The following PTP4A2 variants were observed in gnomAD, a reference collection of about 807,000 sequenced individuals.
PTP4A2 encodes the protein protein tyrosine phosphatase 4A2.
A neutral mutation model predicts 22.9 loss-of-function variants in PTP4A2; 2 were observed. That is an observed-to-expected ratio of 0.09 (90% CI 0.04 to 0.27). The LOEUF is 0.27. Among genes scored for constraint, PTP4A2 ranks in the 10% least tolerant of loss-of-function variants. The pLI is 1.00. For missense variants in PTP4A2, 103 were observed against 205.1 expected (o/e 0.50, Z 3.04); for synonymous variants, 68 against 69.1 (o/e 0.98, Z 0.08).
At chr1:31,923,492 G>A (rs529305363) in intron 1 of PTP4A2, among the ~76,000 whole-genome samples, 35 of 151,146 alleles carry the variant, frequency 2.3e-4, no homozygotes, top group African/African-American at 7.3e-4. Context: ...CCGCTACCAC[G>A]CCCGGCTAAT....
At chr1:31,935,957 ACTTT>A (rs1019096954) in intron 1 of PTP4A2, among the ~76,000 whole-genome samples, 13 of 151,780 alleles carry the variant, frequency 8.6e-5, no homozygotes, top group African/African-American at 3.1e-4. Flanking sequence ...ACCACGCCTA[ACTTT>A]TGTATTTTCT....
intron 1 of PTP4A2, among the ~76,000 whole-genome samples, chr1:31,922,608 TTCTTTC>T (rs1652222821): frequency 6.7e-6 from 1 of 148,402 alleles, no homozygotes; most frequent in Admixed American, 6.7e-5. Context: ...CTTTCTTTCT[TTCTTTC>T]TTTCTTTCTT....
intron 1 of PTP4A2, chr1:31,932,628 A>G (rs1470122669): frequency 3.9e-5 from 6 of 152,220 alleles, no homozygotes; most frequent in African/African-American, 1.2e-4. Context: ...CTGTAAATCT[A>G]CACTGACTGA....
chr1:31,908,996 A>G, intron 5 of PTP4A2, 36 bp from the exon 6 acceptor site: 2 of 1,456,284 alleles, frequency 1.4e-6, no homozygotes, highest in Non-Finnish European at 1.9e-6. Flanking sequence ...TATCATGTAA[A>G]AAAAGAGCTG....
intron 1 of PTP4A2, among the ~76,000 whole-genome samples, chr1:31,922,590 C>CTTTG (rs1169920493): frequency 8.6e-5 from 1 of 11,680 alleles, no homozygotes; most frequent in Admixed American, 6.1e-4. Flanking sequence ...AGGTTTGTTT[C>CTTTG]TTTCTTTCTT....
chr1:31,935,562 T>C (rs1023289228), intron 1 of PTP4A2: 2 of 152,244 alleles, frequency 1.3e-5, no homozygotes, highest in African/African-American at 2.4e-5. Context: ...AATTATTATC[T>C]GTATGACCTG....
rs1652035988 is a variant in PTP4A2 at position 31,919,645 on chromosome 1, T to C, written c.-580A>G. 2 of 152,612 alleles carry C rather than the reference T, an allele frequency of 1.3e-5. No individual in the cohort carries two copies. The highest frequency in any genetic ancestry group is 4.1e-4 in the South Asian group (2 of 4,832). 9.5% of individuals were successfully genotyped at this position (152,612 alleles called of 1,614,324 possible). A position where few individuals can be genotyped will look rare whatever the true frequency, so the allele number is the denominator to read the frequency against. ...AATCGCCATAAATGTGCAACGTATATTCCAACGAAAAACCTGGAGAAGAAA... is the reference window on the plus strand; with the variant it reads ...AATCGCCATAAATGTGCAACGTATACTCCAACGAAAAACCTGGAGAAGAAA... On this transcript the variant is annotated 5_prime_UTR_variant, in exon 2 of 6. Transcript: ENST00000647444.
At position 31,915,892 on chromosome 1, in the gene PTP4A2, C is replaced by T; in HGVS notation, c.189+3G>A. On this transcript the variant is annotated splice_donor_region_variant and intron_variant, in intron 3 of 5. Transcript: ENST00000647444. The stretch of plus-strand genomic sequence containing the variant: ...TTGAAAAATTTAAATACTACACACT[C>T]ACTAGAACGTGGATTCCTTCTTTTT... 1.3e-6 allele frequency: 2 copies of T among 1,570,814 alleles called. No homozygotes were observed. The highest frequency in any genetic ancestry group is 1.7e-6 in the Non-Finnish European group (2 of 1,156,482).
chr1:31,920,072 G>A (rs1409517427), intron 1 of PTP4A2, among the ~76,000 whole-genome samples: 1 of 140,296 alleles, frequency 7.1e-6, no homozygotes, highest in Non-Finnish European at 1.5e-5. Context: ...GTTGTGATGA[G>A]CCAAGATGGC....
intron 1 of PTP4A2, among the ~76,000 whole-genome samples, chr1:31,922,137 C>G (rs1217631038): frequency 1.3e-5 from 2 of 152,160 alleles, no homozygotes; most frequent in African/African-American, 4.8e-5. Flanking sequence ...ACTCCTTGTA[C>G]AGTCAAGAAA....
Position 31,908,648 on chromosome 1 carries a change from T to C in PTP4A2, c.*204A>G, listed in dbSNP as rs1268868679. ...CTTCACTGAATTAATTCCTTTTCTC[T>C]TTCTCTTTTCTTAAACATTTTATTC... On this transcript the variant is annotated 3_prime_UTR_variant, in exon 6 of 6. Transcript: ENST00000647444. The C allele has an allele frequency of 7.7e-6, 3 of 390,208 alleles. No homozygotes were observed. The highest frequency in any genetic ancestry group is 4.4e-5 in the Admixed American group (1 of 22,506). 24.2% of individuals were successfully genotyped at this position (390,208 alleles called of 1,614,324 possible).
At chr1:31,912,264 T>C (rs1051107502) in intron 3 of PTP4A2, among the ~76,000 whole-genome samples, 11 of 152,362 alleles carry the variant, frequency 7.2e-5, no homozygotes, top group African/African-American at 2.6e-4. Flanking sequence ...CTACAGATAA[T>C]TGAAGATTAT....
At chr1:31,929,196 T>A (rs908441053) in intron 1 of PTP4A2, among the ~76,000 whole-genome samples, 4 of 152,240 alleles carry the variant, frequency 2.6e-5, no homozygotes, top group Non-Finnish European at 5.9e-5. Flanking sequence ...GAATCTCTTA[T>A]CTAAAATTGG....
intron 1 of PTP4A2, among the ~76,000 whole-genome samples, chr1:31,923,613 C>T (rs1407977577): frequency 6.6e-6 from 1 of 152,078 alleles, no homozygotes; most frequent in Admixed American, 6.5e-5. Flanking sequence ...GGATTACAGG[C>T]GTGAGCCACC....
chr1:31,915,592 T>C (rs371937189), intron 3 of PTP4A2: 27 of 199,250 alleles, frequency 1.4e-4, no homozygotes, highest in African/African-American at 6.4e-4. Flanking sequence ...CAGGCTGGAA[T>C]GTGGTGGTGT....
intron 1 of PTP4A2, among the ~76,000 whole-genome samples, chr1:31,934,981 A>G (rs1039044652): frequency 2.0e-5 from 3 of 152,230 alleles, no homozygotes; most frequent in African/African-American, 7.2e-5. Flanking sequence ...CAGCTACAAA[A>G]TCTGTTGCCT....
rs1651307303 is a variant in PTP4A2 at position 31,908,150 on chromosome 1, A to T, written c.*702T>A. 2 of 1,420 alleles carry T rather than the reference A, an allele frequency of 1.4e-3. No homozygotes were observed. The highest frequency in any genetic ancestry group is 0.25 in the Middle Eastern group (1 of 4). 0.1% of individuals were successfully genotyped at this position (1,420 alleles called of 1,614,324 possible). ...TATATATATATTATATTATATATAT[A>T]TATATATATATATATATATATATAT... On this transcript the variant is annotated 3_prime_UTR_variant, in exon 6 of 6. Transcript: ENST00000647444.
rs1557860277 is a variant in PTP4A2 at position 31,910,078 on chromosome 1, A to G, written c.355T>C (p.Cys119Arg). 1 of 1,613,698 alleles carries G rather than the reference A, an allele frequency of 6.2e-7. No individual in the cohort carries two copies. The highest frequency in any genetic ancestry group is 8.5e-7 in the Non-Finnish European group (1 of 1,179,908). Residue 119 changes from cysteine (C) to arginine (R), a missense_variant, in exon 5 of 6, where the codon TGT becomes CGT. Transcript: ENST00000647444. Reference sequence around the variant, plus strand: ...ACTGCATCTTCGTACTTCATTCCACATTCAATCAAAGCAAGTGCAACCAGC... The same window carrying G: ...ACTGCATCTTCGTACTTCATTCCACGTTCAATCAAAGCAAGTGCAACCAGC... ...PVLVALALIECGMKYEDAVQF... is the reference protein window; with the variant it reads ...PVLVALALIERGMKYEDAVQF...
At chr1:31,929,659 T>C (rs1056943607) in intron 1 of PTP4A2, among the ~76,000 whole-genome samples, 3 of 152,176 alleles carry the variant, frequency 2.0e-5, no homozygotes, top group Admixed American at 1.3e-4. Context: ...TTCTTTAATC[T>C]CAAAAGGCTA....
Sources: gnomAD v4.1 joint callset for allele counts (sites outside exome capture counted in the v4.1 genomes callset) on GRCh38, gnomAD v4.1.1 for gene constraint, MANE v1.5 for transcripts, NCBI Gene and HGNC (gene_info 2026-07-23, HGNC 2026-07-21) for gene names.